Variants in DNAJB6 observed in about 807,000 individuals in gnomAD.
DNAJB6 encodes the protein DnaJ heat shock protein family (Hsp40) member B6.
In DNAJB6, 16 loss-of-function variants were observed where a neutral mutation model predicts 42.7. The ratio of observed to expected loss-of-function variants is 0.37; its 90% CI spans 0.25 to 0.57. DNAJB6 has a LOEUF of 0.57. DNAJB6 is among the 20% of genes least tolerant of loss of function. The pLI is 0.74. For missense variants in DNAJB6, 347 were observed against 416.8 expected, an observed-to-expected ratio of 0.83 and a Z score of 1.46; for synonymous variants, 170 against 163.5, an observed-to-expected ratio of 1.04 and a Z score of -0.30.
chr7:157,351,634 A>AAACAACAAC (rs199667104), intron 1 of DNAJB6, among the ~76,000 whole-genome samples: 5 of 99,362 alleles, frequency 5.0e-5, no homozygotes, highest in Admixed American at 1.1e-4. Flanking sequence ...CTCTGTCTCA[A>AAACAACAAC]AACAACAACA....
intron 8 of DNAJB6, among the ~76,000 whole-genome samples, chr7:157,402,705 G>A (rs375219692): frequency 2.1e-4 from 32 of 152,224 alleles, no homozygotes; most frequent in African/African-American, 7.7e-4. Context: ...TACGGTGCAT[G>A]GGTGGTCCCA....
intron 9 of DNAJB6, 92 bp from the exon 10 acceptor site, chr7:157,415,924 T>A: frequency 6.3e-7 from 1 of 1,596,846 alleles, no homozygotes; most frequent in Non-Finnish European, 8.5e-7. Context: ...CTTTTTGTTC[T>A]TAACATGGGG....
At chr7:157,352,172 T>C (rs1200568832) in intron 1 of DNAJB6, among the ~76,000 whole-genome samples, 3 of 151,658 alleles carry the variant, frequency 2.0e-5, no homozygotes, top group African/African-American at 7.3e-5. Context: ...CTACTAAAAA[T>C]AGAAAAATTA....
intron 1 of DNAJB6, among the ~76,000 whole-genome samples, chr7:157,346,680 C>T (rs756923823): frequency 2.0e-5 from 3 of 152,044 alleles, no homozygotes; most frequent in Non-Finnish European, 2.9e-5. Context: ...ATGCAGGTAA[C>T]CTTTCATGGA....
intron 1 of DNAJB6, among the ~76,000 whole-genome samples, chr7:157,352,924 A>G (rs1483622685): frequency 6.6e-6 from 1 of 152,118 alleles, no homozygotes; most frequent in Non-Finnish European, 1.5e-5. Flanking sequence ...TTCCCTGTAC[A>G]GGGAAGGCAG....
chr7:157,391,322 A>G (rs758901989), intron 8 of DNAJB6, among the ~76,000 whole-genome samples: 4 of 152,192 alleles, frequency 2.6e-5, no homozygotes, highest in South Asian at 2.1e-4. Context: ...CTCTTACCCA[A>G]AACTTCCAGG....
intron 8 of DNAJB6, among the ~76,000 whole-genome samples, chr7:157,387,321 C>G (rs1245750059): frequency 6.6e-6 from 1 of 152,204 alleles, no homozygotes; most frequent in Admixed American, 6.5e-5. Flanking sequence ...CGCGGCACTT[C>G]CTGTCTCTGG....
chr7:157,349,949 C>T lies in DNAJB6; in HGVS notation c.-26-8598C>T, dbSNP rs774431515. On this transcript the variant is annotated intron_variant, in intron 1 of 9. Coordinates refer to ENST00000262177, the MANE Select transcript of DNAJB6 (RefSeq NM_058246.4). ...TGAGCCACCGCGCCTGGCCAACGCCCGGCTAATTATTTTATTTTTAGTAGA... is the reference window on the plus strand; with the variant it reads ...TGAGCCACCGCGCCTGGCCAACGCCTGGCTAATTATTTTATTTTTAGTAGA... Among the ~76,000 whole-genome samples the T allele has an allele frequency of 5.9e-5, 9 of 152,174 alleles. No homozygotes were observed. In the East Asian group the frequency reaches 7.7e-4, roughly 13 times the overall value.
At chr7:157,382,183 T>C in intron 5 of DNAJB6, 63 bp from the exon 6 acceptor site, 1 of 1,507,796 alleles carries the variant, frequency 6.6e-7, no homozygotes, top group Non-Finnish European at 8.9e-7. Context: ...TTACTGTAGC[T>C]ATCACATGAG....
chr7:157,404,100 T>TA (rs902811409), intron 8 of DNAJB6, among the ~76,000 whole-genome samples: 2 of 151,466 alleles, frequency 1.3e-5, no homozygotes, highest in African/African-American at 4.9e-5. Context: ...CTGAGTAGCT[T>TA]AGACTACAGG....
chr7:157,352,279 A>C (rs1220759107), intron 1 of DNAJB6, among the ~76,000 whole-genome samples: 2 of 151,980 alleles, frequency 1.3e-5, no homozygotes, highest in African/African-American at 4.8e-5. Flanking sequence ...CAGTGAGCCA[A>C]AATTGTGCTA....
intron 5 of DNAJB6, among the ~76,000 whole-genome samples, chr7:157,370,088 A>G (rs1318347820): frequency 1.3e-5 from 2 of 148,632 alleles, no homozygotes; most frequent in Non-Finnish European, 3.0e-5. Flanking sequence ...CCTTCTTAAC[A>G]TTATTATTAA....
chr7:157,343,685 G>C (rs139969287), intron 1 of DNAJB6, among the ~76,000 whole-genome samples: 1 of 152,236 alleles, frequency 6.6e-6, no homozygotes, highest in African/African-American at 2.4e-5. Context: ...CTGACCCCAG[G>C]TGATCCACCT....
chr7:157,337,024 G>A lies in DNAJB6; in HGVS notation c.-147G>A, dbSNP rs951528796. The A allele has an allele frequency of 4.0e-5, 6 of 150,728 alleles. No individual in the cohort carries two copies. Among genetic ancestry groups the A allele is most frequent in the Non-Finnish European group, 8.9e-5 (6 of 67,066 alleles). The allele number at this position is 150,728 out of a possible 1,614,324, so 9.3% of individuals were successfully genotyped here. The stretch of plus-strand genomic sequence containing the variant: ...ATTTCCTGTTTGTTGTTGGAGAAAG[G>A]AGAGAAAGGAAAGCGCGAGGAGCCG... On this transcript the variant is annotated 5_prime_UTR_variant, in exon 1 of 10. Coordinates refer to ENST00000262177, the MANE Select transcript of DNAJB6 (RefSeq NM_058246.4).
intron 1 of DNAJB6, among the ~76,000 whole-genome samples, chr7:157,344,608 A>G (rs751423822): frequency 5.0e-4 from 75 of 150,634 alleles, no homozygotes; most frequent in Non-Finnish European, 1.0e-3. Context: ...TTTATTTTTT[A>G]TTTAAAAAAA....
Position 157,382,441 on chromosome 7 carries a change from T to A in DNAJB6, c.478+64T>A, listed in dbSNP as rs73503297. On this transcript the variant is annotated intron_variant, in intron 6 of 9. Coordinates refer to ENST00000262177, the MANE Select transcript of DNAJB6 (RefSeq NM_058246.4). ...GCAGTTAGTACTTATAAAATCATAA[T>A]ACTCTTTTAGTTAGAGTGCTTTAAA... The A allele has an allele frequency of 9.2e-4, 1,394 of 1,516,216 alleles. 12 individuals are homozygous for A. The African/African-American group carries it at 0.018, about 19-fold the overall frequency. 93.9% of individuals were successfully genotyped at this position (1,516,216 alleles called of 1,614,324 possible).
At chr7:157,403,923 G>A (rs982071824) in intron 8 of DNAJB6, among the ~76,000 whole-genome samples, 5 of 152,290 alleles carry the variant, frequency 3.3e-5, no homozygotes, top group African/African-American at 1.2e-4. Context: ...TTGAGTGAGG[G>A]GCACTGGCTG....
intron 1 of DNAJB6, among the ~76,000 whole-genome samples, chr7:157,338,092 G>A (rs780250277): frequency 6.6e-6 from 1 of 152,164 alleles, no homozygotes; most frequent in Non-Finnish European, 1.5e-5. Context: ...TTTTAGTAAG[G>A]ATTTGTCGCT....
At chr7:157,392,722 T>G (rs1290109042) in intron 8 of DNAJB6, among the ~76,000 whole-genome samples, 1 of 152,150 alleles carries the variant, frequency 6.6e-6, no homozygotes, top group African/African-American at 2.4e-5. Flanking sequence ...GAACACCCCA[T>G]GTAGATTTGG....
Sources: gnomAD v4.1 joint callset for allele counts (sites outside exome capture counted in the v4.1 genomes callset) on GRCh38, gnomAD v4.1.1 for gene constraint, MANE v1.5 for transcripts, NCBI Gene and HGNC (gene_info 2026-07-23, HGNC 2026-07-21) for gene names.